Variants in CDH13 observed in about 807,000 individuals in gnomAD.
CDH13 encodes the protein cadherin 13.
CDH13 carries 24 observed loss-of-function variants against 63.8 expected under a neutral mutation model. That is an observed-to-expected ratio of 0.38 (90% CI 0.27 to 0.53). The LOEUF is 0.53. Ranked by LOEUF, CDH13 falls within the 20% of genes least tolerant of loss-of-function variation. The pLI, the probability that CDH13 is intolerant of heterozygous loss-of-function variation, is 0.85. For synonymous variants in CDH13, 503 were observed against 355.3 expected (o/e 1.42, Z -4.67); for missense variants, 1,049 against 903.1 (o/e 1.16, Z -2.07).
chr16:83,535,347 A>G (rs538624243), intron 7 of CDH13, among the ~76,000 whole-genome samples: 15 of 152,250 alleles, frequency 9.9e-5, no homozygotes, highest in Non-Finnish European at 2.2e-4. Flanking sequence ...AAAAGGAGTG[A>G]TAAGTTGATT....
intron 1 of CDH13, among the ~76,000 whole-genome samples, chr16:82,707,377 G>A (rs868570568): frequency 1.7e-4 from 26 of 152,320 alleles, no homozygotes; most frequent in Non-Finnish European, 2.1e-4. Context: ...GTGCAATACA[G>A]GCACTGGCCA....
intron 1 of CDH13, among the ~76,000 whole-genome samples, chr16:82,830,616 C>T (rs2038493160): frequency 6.6e-6 from 1 of 152,284 alleles, no homozygotes; most frequent in African/African-American, 2.4e-5. Flanking sequence ...TTTGTAATGA[C>T]ATTAATTTGT....
intron 4 of CDH13, among the ~76,000 whole-genome samples, chr16:83,179,794 T>G (rs2038275542): frequency 6.6e-6 from 1 of 152,176 alleles, no homozygotes; most frequent in African/African-American, 2.4e-5. Context: ...AGATTTAGGA[T>G]AAAATACAAA....
intron 6 of CDH13, among the ~76,000 whole-genome samples, chr16:83,442,358 C>T (rs536311206): frequency 6.6e-6 from 1 of 152,178 alleles, no homozygotes; most frequent in Non-Finnish European, 1.5e-5. Flanking sequence ...CTGCCTCCCA[C>T]CTCCATGAGC....
intron 1 of CDH13, among the ~76,000 whole-genome samples, chr16:82,718,169 G>A (rs528314930): frequency 1.2e-4 from 18 of 152,308 alleles, no homozygotes; most frequent in Middle Eastern, 3.4e-3. Context: ...TTGTTCTTAT[G>A]GGCAGCTGGA....
chr16:83,241,001 G>T (rs950855107), intron 5 of CDH13, among the ~76,000 whole-genome samples: 3 of 152,068 alleles, frequency 2.0e-5, no homozygotes, highest in African/African-American at 7.2e-5. Context: ...CCAACCCTCT[G>T]ATCTTAGCAA....
Position 83,562,335 on chromosome 16 carries a change from G to GA in CDH13, c.961-40110dup, listed in dbSNP as rs952021864. Among the ~76,000 whole-genome samples the GA allele has an allele frequency of 1.0e-3, 158 of 151,314 alleles. 2 individuals carry two copies. The highest frequency in any genetic ancestry group is 3.2e-3 in the African/African-American group (131 of 41,270). On this transcript the variant is annotated intron_variant, in intron 7 of 13. Transcript: ENST00000567109. The stretch of plus-strand genomic sequence containing the variant: ...AGAGTTCAGCTCTACTACCAGAATA[G>GA]AAAAAAAAATTGCAAAGTATATAGC...
chr16:83,650,666 C>T (rs549562432), intron 8 of CDH13, among the ~76,000 whole-genome samples: 2 of 152,242 alleles, frequency 1.3e-5, no homozygotes, highest in Admixed American at 6.5e-5. Flanking sequence ...CAGCATCTCC[C>T]AATGCACAGG....
intron 2 of CDH13, among the ~76,000 whole-genome samples, chr16:82,925,117 C>G (rs909218876): frequency 6.6e-5 from 10 of 152,112 alleles, no homozygotes; most frequent in Non-Finnish European, 1.3e-4. Flanking sequence ...CAAGATTCCC[C>G]TAGTTGAGGG....
At position 83,434,188 on chromosome 16, in the gene CDH13, C is replaced by T. The variant is rs138612271; in HGVS notation, c.782-52289C>T. The stretch of plus-strand genomic sequence containing the variant: ...GCCGCTCAGGTTATTGAGAATTGTC[C>T]AGCATCTCAACGAACTCTGCTCCAG... On this transcript the variant is annotated intron_variant, in intron 6 of 13. Coordinates refer to ENST00000567109, the MANE Select transcript of CDH13 (RefSeq NM_001257.5). Among the ~76,000 whole-genome samples the T allele has an allele frequency of 2.7e-3, 417 of 152,200 alleles. 1 individual carries two copies. Among genetic ancestry groups the T allele is most frequent in the African/African-American group, 9.3e-3 (384 of 41,510 alleles).
chr16:83,475,803 T>C (rs1195051478), intron 6 of CDH13, among the ~76,000 whole-genome samples: 5 of 152,212 alleles, frequency 3.3e-5, no homozygotes, highest in Non-Finnish European at 7.3e-5. Context: ...CAGGTTGGTC[T>C]TGGACTCCTG....
intron 1 of CDH13, among the ~76,000 whole-genome samples, chr16:82,707,639 G>C (rs988269134): frequency 6.6e-6 from 1 of 152,208 alleles, no homozygotes; most frequent in Non-Finnish European, 1.5e-5. Flanking sequence ...TTGCCTGTCT[G>C]ATTTTGCAGA....
In CDH13 at chr16:83,581,818, CAATA is replaced by C. The variant is rs533300334; in HGVS notation, c.961-20618_961-20615del. 5.9e-5 allele frequency among the ~76,000 whole-genome samples: 9 copies of C among 152,028 alleles called. No homozygotes were observed. The East Asian group carries it at 9.6e-4, about 16-fold the overall frequency. Reference sequence around the variant, plus strand: ...TGGGTAACAGAGCAAGACCCTGTCTCAATAAATAAATAAATAAATAATAAAAGAA... The same window carrying C: ...TGGGTAACAGAGCAAGACCCTGTCTCAATAAATAAATAAATAATAAAAGAA... On this transcript the variant is annotated intron_variant, in intron 7 of 13. Coordinates refer to ENST00000567109, the MANE Select transcript of CDH13 (RefSeq NM_001257.5).
At chr16:83,030,835 C>T (rs1306242914) in intron 2 of CDH13, among the ~76,000 whole-genome samples, 1 of 151,812 alleles carries the variant, frequency 6.6e-6, no homozygotes, top group Non-Finnish European at 1.5e-5. Context: ...CATTTTCAGC[C>T]TCATTTCCAC....
At chr16:83,176,542 T>C (rs4423407) in intron 4 of CDH13, among the ~76,000 whole-genome samples, 26,618 of 146,758 alleles carry the variant, frequency 0.18, 2,520 homozygotes, top group South Asian at 0.21. Flanking sequence ...AAAGTCCTTG[T>C]GCATTAATCT....
chr16:83,134,491 G>C (rs1211244392), intron 4 of CDH13, among the ~76,000 whole-genome samples: 1 of 148,768 alleles, frequency 6.7e-6, no homozygotes, highest in Non-Finnish European at 1.5e-5. Context: ...TGCCCAGCCA[G>C]TAGATCTTGA....
intron 1 of CDH13, among the ~76,000 whole-genome samples, chr16:82,763,687 C>T (rs540693118): frequency 2.0e-5 from 3 of 151,938 alleles, no homozygotes; most frequent in Non-Finnish European, 4.4e-5. Context: ...ATTTTTATTA[C>T]TCACGTATTT....
At chr16:82,893,535 A>G (rs972596705) in intron 2 of CDH13, among the ~76,000 whole-genome samples, 4 of 152,236 alleles carry the variant, frequency 2.6e-5, no homozygotes, top group African/African-American at 9.6e-5. Context: ...ACAGTATACC[A>G]CTCATTTCCA....
chr16:83,252,129 C>CACACACACAGACACAT (rs377101317), intron 5 of CDH13, among the ~76,000 whole-genome samples: 3 of 89,186 alleles, frequency 3.4e-5, no homozygotes, highest in Non-Finnish European at 6.8e-5. Flanking sequence ...CACACACACA[C>CACACACACAGACACAT]ATATATATGT....
Sources: gnomAD v4.1 joint callset for allele counts (sites outside exome capture counted in the v4.1 genomes callset) on GRCh38, gnomAD v4.1.1 for gene constraint, MANE v1.5 for transcripts, NCBI Gene and HGNC (gene_info 2026-07-23, HGNC 2026-07-21) for gene names.